The following CACNA1H variants were observed in gnomAD, a reference collection of about 807,000 sequenced individuals.
The protein encoded by CACNA1H is voltage-dependent T-type calcium channel subunit alpha-1H.
In CACNA1H, 149 loss-of-function variants were observed where a neutral mutation model predicts 192.5. That is an observed-to-expected ratio of 0.77 (90% CI 0.68 to 0.89). CACNA1H has a LOEUF of 0.89. Among genes scored for constraint, CACNA1H ranks in the 40% least tolerant of loss-of-function variants. The pLI is 0.00. For missense variants in CACNA1H, 4,257 were observed against 3,423.5 expected (o/e 1.24, Z -6.08); for synonymous variants, 2,202 against 1,475.2 (o/e 1.49, Z -11.29).
intron 2 of CACNA1H, among the ~76,000 whole-genome samples, chr16:1,164,099 T>C (rs1039744873): frequency 6.6e-6 from 1 of 152,166 alleles, no homozygotes; most frequent in East Asian, 1.9e-4. Context: ...GGGGGCACTT[T>C]TGCCTCTCCC....
At position 1,167,716 on chromosome 16, in the gene CACNA1H, C is replaced by T. The variant is rs1413198140; in HGVS notation, c.299+13680C>T. Among the ~76,000 whole-genome samples the T allele has an allele frequency of 2.6e-5, 4 of 152,222 alleles. No homozygotes were observed. Among genetic ancestry groups the T allele is most frequent in the Non-Finnish European group, 4.4e-5 (3 of 68,040 alleles). On this transcript the variant is annotated intron_variant, in intron 2 of 34. Coordinates refer to ENST00000348261, the MANE Select transcript of CACNA1H (RefSeq NM_021098.3). This position sits in a 1 kb window ranked among gnomAD's most constrained non-coding sequence, Gnocchi z 4.2. ...GGCTCCTGGCTAGGGACCCCGAGAC[C>T]CCTCCTTTGCTTCCTGAAAGGAGCC...
chr16:1,201,889 C>CCCGCTGGCAGAG lies in CACNA1H; in HGVS notation c.1448_1459dup (p.Gln483_Trp486dup). 2 of 1,551,780 alleles carry CCCGCTGGCAGAG rather than the reference C, an allele frequency of 1.3e-6. No homozygotes were observed. The highest frequency in any genetic ancestry group is 1.7e-6 in the Non-Finnish European group (2 of 1,147,896). On this transcript the variant is annotated inframe_insertion, in exon 9 of 35. Coordinates refer to ENST00000348261, the MANE Select transcript of CACNA1H (RefSeq NM_021098.3). ...AAGCGGCGCAGCTTGCGCCTCTACG[C>CCCGCTGGCAGAG]CCGCTGGCAGAGCCGCTGGCGCAAG...
chr16:1,215,819 G>T (rs371918190), intron 30 of CACNA1H, among the ~76,000 whole-genome samples: 1 of 152,154 alleles, frequency 6.6e-6, no homozygotes. Context: ...TCATAACCGG[G>T]GCCCCCTCCC....
Position 1,209,989 on chromosome 16 carries a change from G to A in CACNA1H, c.3745-46G>A, listed in dbSNP as rs141241513. On this transcript the variant is annotated intron_variant, in intron 17 of 34. Transcript: ENST00000348261. ...GCACAGAGGGCCCTGATGGGGGGCC[G>A]GGCAGGCAGGCGCAGGCTCTGAGAA... 1.4e-4 allele frequency: 201 copies of A among 1,440,756 alleles called. 1 individual carries two copies. The African/African-American group carries it at 2.2e-3, about 16-fold the overall frequency. 89.2% of individuals were successfully genotyped at this position (1,440,756 alleles called of 1,614,324 possible). A position where few individuals can be genotyped will look rare whatever the true frequency, so the allele number is the denominator to read the frequency against.
intron 2 of CACNA1H, among the ~76,000 whole-genome samples, chr16:1,176,856 G>A (rs1381353860): frequency 3.3e-5 from 5 of 152,312 alleles, no homozygotes; most frequent in Middle Eastern, 3.4e-3. Context: ...CCCAGGGGAC[G>A]GGGAGGGGGT....
At chr16:1,178,675 CCA>C (rs1965160567) in intron 2 of CACNA1H, among the ~76,000 whole-genome samples, 1 of 152,314 alleles carries the variant, frequency 6.6e-6, no homozygotes, top group Admixed American at 6.5e-5. Context: ...CCCAAAGGGG[CCA>C]CACTGTCCCT....
rs373546879 is a variant in CACNA1H at position 1,218,170 on chromosome 16, G to A, written c.5446-40G>A. The stretch of plus-strand genomic sequence containing the variant: ...GGCACTGCCAGGGTGGCACCCGCGG[G>A]TGGGTGTGGACCCCGGCCCACAGCT... On this transcript the variant is annotated intron_variant, in intron 32 of 34. Transcript: ENST00000348261. The A allele has an allele frequency of 7.4e-4, 1,142 of 1,537,690 alleles. 15 individuals are homozygous for A. In the South Asian group the frequency reaches 0.013, roughly 17 times the overall value.
In CACNA1H at chr16:1,219,981, G is replaced by T. The variant is rs1555520755; in HGVS notation, c.6049G>T (p.Glu2017Ter). 1 of 1,306,698 alleles carries T rather than the reference G, an allele frequency of 7.7e-7. No individual in the cohort carries two copies. The highest frequency in any genetic ancestry group is 3.0e-5 in the East Asian group (1 of 33,224). The allele number at this position is 1,306,698 out of a possible 1,614,324, so 80.9% of individuals were successfully genotyped here. A position where few individuals can be genotyped will look rare whatever the true frequency, so the allele number is the denominator to read the frequency against. Residue 2017 changes from glutamate to a stop codon, truncating the protein, a stop_gained and splice_region_variant, in exon 35 of 35, where the codon GAG becomes TAG. Coordinates refer to ENST00000348261, the MANE Select transcript of CACNA1H (RefSeq NM_021098.3). LOFTEE classifies it low-confidence loss of function (END_TRUNC). ...PSLSRLLCRQ[E>*]AVHTDSLEGK... ...TCACTTTGACTCTACGCCCCCACAG[G>T]AGGCTGTGCACACCGATTCCTTGGA...
intron 2 of CACNA1H, among the ~76,000 whole-genome samples, chr16:1,187,226 G>T (rs564284142): frequency 2.0e-5 from 3 of 152,360 alleles, no homozygotes; most frequent in South Asian, 2.1e-4. Flanking sequence ...GGCCAGCGCC[G>T]CGTGGGGCCG....
chr16:1,204,318 G>A lies in CACNA1H; in HGVS notation c.2311G>A (p.Glu771Lys), dbSNP rs1042036647. The part of the protein sequence containing the change: ...RRAQQRAAPG[E>K]PGWMGRLWVT... Reference sequence around the variant, plus strand: ...GGCACAGCAGAGGGCAGCCCCGGGCGAGCCAGGCTGGATGGGCCGCCTCTG... The same window carrying A: ...GGCACAGCAGAGGGCAGCCCCGGGCAAGCCAGGCTGGATGGGCCGCCTCTG... Residue 771 changes from glutamate (E) to lysine (K), a missense_variant, in exon 10 of 35, where the codon GAG becomes AAG. Coordinates refer to ENST00000348261, the MANE Select transcript of CACNA1H (RefSeq NM_021098.3). 1.4e-5 allele frequency: 22 copies of A among 1,598,204 alleles called. No individual in the cohort carries two copies. Among genetic ancestry groups the A allele is most frequent in the Non-Finnish European group, 1.5e-5 (18 of 1,171,120 alleles).
At chr16:1,195,357 C>G in intron 3 of CACNA1H, 75 bp from the exon 4 acceptor site, 1 of 1,501,214 alleles carries the variant, frequency 6.7e-7, no homozygotes, top group Non-Finnish European at 8.9e-7. Context: ...GGGCCGGGCT[C>G]TTGCGGGGCT....
At position 1,215,591 on chromosome 16, in the gene CACNA1H, C is replaced by T; in HGVS notation, c.5242C>T (p.Gln1748Ter). The T allele has an allele frequency of 1.2e-6, 2 of 1,610,932 alleles. No individual in the cohort carries two copies. Among genetic ancestry groups the T allele is most frequent in the Non-Finnish European group, 1.7e-6 (2 of 1,179,254 alleles). The change falls in exon 30 of 35, where the codon CAG (glutamine) becomes TAG (stop). Residue 1748 changes from glutamine (Q) to a stop codon, truncating the protein, a stop_gained and splice_region_variant. Coordinates refer to ENST00000348261, the MANE Select transcript of CACNA1H (RefSeq NM_021098.3). LOFTEE classifies it high-confidence loss of function. ...LLDTVVQALP[Q>*]VGNLGLLFML... ...GGACACTGTGGTGCAAGCTCTCCCC[C>T]AGGTAGGTGGAGCCCGCGCCATCCT...
At chr16:1,164,438 C>T (rs948901898) in intron 2 of CACNA1H, among the ~76,000 whole-genome samples, 25 of 152,152 alleles carry the variant, frequency 1.6e-4, no homozygotes, top group Admixed American at 2.6e-4. Flanking sequence ...TTCAGGTGAC[C>T]CTCCTGCCTC....
In CACNA1H at chr16:1,210,979, G is replaced by T. The variant is rs759696447; in HGVS notation, c.4223+8G>T. 1.3e-5 allele frequency: 21 copies of T among 1,591,280 alleles called. No individual in the cohort carries two copies. Among genetic ancestry groups the T allele is most frequent in the Admixed American group, 8.4e-5 (5 of 59,778 alleles). On this transcript the variant is annotated splice_region_variant and intron_variant, in intron 21 of 34. Transcript: ENST00000348261. ...GACCCTGCGGCCTCTGAGGTGGGGG[G>T]CTCCCCGTGGGCTCCCGGGGCAACC...
intron 2 of CACNA1H, among the ~76,000 whole-genome samples, chr16:1,176,034 C>T (rs1273932451): frequency 6.6e-6 from 1 of 152,226 alleles, no homozygotes; most frequent in African/African-American, 2.4e-5. Flanking sequence ...GTGGAGGCGC[C>T]TCCCACTCCC....
chr16:1,213,591 TGA>T, intron 26 of CACNA1H, among the ~76,000 whole-genome samples, 187 bp from the exon 27 acceptor site: 2 of 152,100 alleles, frequency 1.3e-5, no homozygotes, highest in South Asian at 2.1e-4. Flanking sequence ...GTCCTTTTCC[TGA>T]GAGAGTCCCC....
chr16:1,207,895 G>A (rs376227287), intron 15 of CACNA1H, 35 bp downstream of exon 15: 178 of 1,557,246 alleles, frequency 1.1e-4, no homozygotes, highest in Non-Finnish European at 1.4e-4. Context: ...GGGTTCTGGC[G>A]GGTGGAGTAC....
At chr16:1,200,864 G>A in intron 8 of CACNA1H, 56 bp downstream of exon 8, 6 of 1,380,650 alleles carry the variant, frequency 4.3e-6, no homozygotes, top group East Asian at 5.0e-5. Context: ...CTGGCTGGGG[G>A]TGGGGTGGGG....
intron 5 of CACNA1H, among the ~76,000 whole-genome samples, chr16:1,196,841 C>G (rs776259867): frequency 2.6e-5 from 4 of 152,180 alleles, no homozygotes; most frequent in African/African-American, 4.8e-5. Flanking sequence ...TCTTTAAGCA[C>G]TCAGGGCTAC....
Sources: allele counts gnomAD v4.1 joint callset (sites outside exome capture counted in the v4.1 genomes callset), GRCh38; gene constraint gnomAD v4.1.1; non-coding constraint Gnocchi (gnomAD v3.1); transcripts MANE v1.5; gene names NCBI Gene and HGNC (gene_info 2026-07-23, HGNC 2026-07-21).